SGCZ: variants seen among roughly 807,000 people sequenced by gnomAD.
The protein encoded by SGCZ is zeta-sarcoglycan.
SGCZ carries 40 observed loss-of-function variants against 41.3 expected under a neutral mutation model. That is an observed-to-expected ratio of 0.97 (90% confidence interval 0.75 to 1.26). SGCZ has a LOEUF of 1.26. Ranked by LOEUF, SGCZ falls within the 50% of genes most tolerant of loss-of-function variation. The pLI, the probability that SGCZ is intolerant of heterozygous loss-of-function variation, is 0.00. For missense variants in SGCZ, 552 were observed against 369.8 expected, an observed-to-expected ratio of 1.49 and a Z score of -4.04; for synonymous variants, 206 against 137.5, an observed-to-expected ratio of 1.50 and a Z score of -3.49.
chr8:14,812,920 T>A (rs1455978849), intron 1 of SGCZ, among the ~76,000 whole-genome samples: 1 of 152,226 alleles, frequency 6.6e-6, no homozygotes, highest in Non-Finnish European at 1.5e-5. Context: ...TATTCCCTAA[T>A]GTTCCTGAAT....
chr8:14,155,695 T>C (rs1803855612), intron 5 of SGCZ, among the ~76,000 whole-genome samples: 2 of 150,314 alleles, frequency 1.3e-5, no homozygotes, highest in African/African-American at 2.4e-5. Flanking sequence ...TGTCATTATA[T>C]ATGTAAAATA....
chr8:14,135,104 C>A (rs1803157251), intron 5 of SGCZ, among the ~76,000 whole-genome samples: 1 of 152,084 alleles, frequency 6.6e-6, no homozygotes, highest in South Asian at 2.1e-4. Flanking sequence ...CCACCCAGAT[C>A]ATAAATTCTA....
At position 15,186,262 on chromosome 8, in the gene SGCZ, C is replaced by CAAAAA. The variant is rs61237091; in HGVS notation, c.39+51318_39+51322dup. ...GGGCAACAGAGGGAAGATTCCGTAC[C>CAAAAA]AAAAAAAAAAAAAAAAAAAAAAAAA... On this transcript the variant is annotated intron_variant, in intron 1 of 7. Transcript: ENST00000382080. Among the ~76,000 whole-genome samples, 24 of 80,710 alleles carry CAAAAA rather than the reference C, an allele frequency of 3.0e-4. 1 individual carries two copies. The highest frequency in any genetic ancestry group is 5.8e-4 in the African/African-American group (9 of 15,440). The allele number at this position is 80,710 out of a possible 152,430, so 52.9% of individuals were successfully genotyped here.
intron 2 of SGCZ, among the ~76,000 whole-genome samples, chr8:14,482,286 T>C (rs1296791339): frequency 2.0e-5 from 3 of 152,188 alleles, no homozygotes; most frequent in Admixed American, 2.0e-4. Context: ...TGCGTAAACC[T>C]GTGCAACACT....
At chr8:14,832,221 C>G (rs552187708) in intron 1 of SGCZ, among the ~76,000 whole-genome samples, 1 of 152,246 alleles carries the variant, frequency 6.6e-6, no homozygotes, top group Admixed American at 6.5e-5. Context: ...ATTCTATTTG[C>G]TTTCTTGTGT....
chr8:14,940,608 C>G (rs982474730), intron 1 of SGCZ, among the ~76,000 whole-genome samples: 2 of 152,010 alleles, frequency 1.3e-5, no homozygotes, highest in African/African-American at 4.8e-5. Context: ...AGATAAATGT[C>G]ATGAAAAATT....
At chr8:14,417,108 G>C (rs1396715251) in intron 2 of SGCZ, among the ~76,000 whole-genome samples, 2 of 151,732 alleles carry the variant, frequency 1.3e-5, no homozygotes, top group African/African-American at 4.8e-5. Flanking sequence ...TGCTCAACCT[G>C]TTTCTTAGCT....
chr8:14,408,951 G>GTGT (rs1563310398), intron 2 of SGCZ, among the ~76,000 whole-genome samples: 1 of 106,308 alleles, frequency 9.4e-6, no homozygotes, highest in Non-Finnish European at 1.7e-5. Flanking sequence ...TAAATTAAGA[G>GTGT]AGTGTGTGTG....
intron 1 of SGCZ, among the ~76,000 whole-genome samples, chr8:15,004,484 C>T (rs1391945701): frequency 1.3e-5 from 2 of 152,084 alleles, no homozygotes; most frequent in Non-Finnish European, 2.9e-5. Context: ...AAGGTGGAGA[C>T]TTAAGACAGA....
Position 14,533,217 on chromosome 8 carries a change from T to C in SGCZ, c.234+21515A>G, listed in dbSNP as rs146758606. The stretch of plus-strand genomic sequence containing the variant: ...TATCCAAGTGTTCTCATTGTTCAAT[T>C]CCCACCTATGAGTGAGAACAAAATT... On this transcript the variant is annotated intron_variant, in intron 2 of 7. Transcript: ENST00000382080. Among the ~76,000 whole-genome samples, 431 of 152,044 alleles carry C rather than the reference T, an allele frequency of 2.8e-3. 3 individuals carry two copies. The highest frequency in any genetic ancestry group is 0.01 in the African/African-American group (416 of 41,500).
intron 1 of SGCZ, among the ~76,000 whole-genome samples, chr8:14,695,337 T>A (rs958780467): frequency 3.3e-5 from 5 of 152,152 alleles, no homozygotes; most frequent in Admixed American, 6.6e-5. Flanking sequence ...ACAATTATTT[T>A]ATATGTATTG....
chr8:14,846,465 A>T (rs1040454207), intron 1 of SGCZ, among the ~76,000 whole-genome samples: 16 of 152,180 alleles, frequency 1.1e-4, no homozygotes, highest in Middle Eastern at 3.4e-3. Flanking sequence ...GAAGAAATAA[A>T]TCATTAATAT....
At chr8:14,733,744 A>G (rs919663691) in intron 1 of SGCZ, among the ~76,000 whole-genome samples, 4 of 152,220 alleles carry the variant, frequency 2.6e-5, no homozygotes, top group African/African-American at 9.6e-5. Flanking sequence ...AATAACAGTC[A>G]TACATTTTAA....
intron 2 of SGCZ, among the ~76,000 whole-genome samples, chr8:14,442,168 C>A (rs878911836): frequency 6.6e-6 from 1 of 152,120 alleles, no homozygotes; most frequent in Non-Finnish European, 1.5e-5. Flanking sequence ...GTGTCACTAC[C>A]CAAATCTCAG....
chr8:14,518,097 A>G (rs1381323280), intron 2 of SGCZ, among the ~76,000 whole-genome samples: 1 of 151,940 alleles, frequency 6.6e-6, no homozygotes, highest in Non-Finnish European at 1.5e-5. Flanking sequence ...GTCTACAGAT[A>G]GCAATATATT....
At chr8:15,057,227 A>C (rs1804746190) in intron 1 of SGCZ, among the ~76,000 whole-genome samples, 2 of 152,292 alleles carry the variant, frequency 1.3e-5, no homozygotes, top group African/African-American at 2.4e-5. Context: ...CTCCTTCAAG[A>C]ATTACCATAC....
chr8:14,237,650 C>A lies in SGCZ; in HGVS notation c.366G>T (p.Arg122Ser). ...GATTTCTTGCATTCACTGTGACATT[C>A]CTGTCAGACTGTAAGACCAGCGGAC... ...KDSPLVLQSD[R>S]NVTVNARNHM... The change falls in exon 4 of 8, where the codon AGG becomes AGT. Residue 122 changes from arginine to serine, a missense_variant. By Grantham distance (110) the Arg-to-Ser change is moderately radical. Coordinates refer to ENST00000382080, the MANE Select transcript of SGCZ (RefSeq NM_139167.4). 6.2e-7 allele frequency: 1 copy of A among 1,613,918 alleles called. No homozygotes were observed.
rs543507829 is a variant in SGCZ at position 14,302,691 on chromosome 8, C to A, written c.336+21412G>T. On this transcript the variant is annotated intron_variant, in intron 3 of 7. Transcript: ENST00000382080. ...CGAATACTTCTATTAAAATGTCTCA[C>A]TGGGATTCAAGCTTCACCTGTCCAA... 5.2e-4 allele frequency among the ~76,000 whole-genome samples: 79 copies of A among 152,240 alleles called. 2 individuals carry two copies. In the South Asian group the frequency reaches 0.015, roughly 29 times the overall value.
chr8:14,374,232 A>G (rs1170555198), intron 2 of SGCZ, among the ~76,000 whole-genome samples: 2 of 152,112 alleles, frequency 1.3e-5, no homozygotes, highest in Non-Finnish European at 2.9e-5. Context: ...TACAAAAATT[A>G]GCTGGGCGTG....
Sources: allele counts gnomAD v4.1 joint callset (sites outside exome capture counted in the v4.1 genomes callset), GRCh38; gene constraint gnomAD v4.1.1; transcripts MANE v1.5; gene names NCBI Gene and HGNC (gene_info 2026-07-23, HGNC 2026-07-21).